Variants in SORBS2 observed in about 807,000 individuals in gnomAD.
SORBS2 encodes sorbin and SH3 domain-containing protein 2.
A neutral mutation model predicts 97.7 loss-of-function variants in SORBS2; 46 were observed. The ratio of observed to expected loss-of-function variants is 0.47; its 90% CI spans 0.37 to 0.60. SORBS2 has a LOEUF of 0.60. Among genes scored for constraint, SORBS2 ranks in the 20% least tolerant of loss-of-function variants. The pLI, the probability that SORBS2 is intolerant of heterozygous loss-of-function variation, is 0.00. For missense variants in SORBS2, 1,316 were observed against 1,282.3 expected (o/e 1.03, Z -0.40); for synonymous variants, 476 against 473.4 (o/e 1.01, Z -0.07).
intron 2 of SORBS2, among the ~76,000 whole-genome samples, chr4:185,737,616 G>A (rs2098696090): frequency 6.6e-6 from 1 of 152,154 alleles, no homozygotes; most frequent in Admixed American, 6.5e-5. Context: ...GGGACCCGAG[G>A]GGTGGGGCCG....
At chr4:185,659,867 A>G (rs899455101), upstream of SORBS2, among the ~76,000 whole-genome samples, 1 of 152,156 alleles carries the variant, frequency 6.6e-6, no homozygotes, top group Admixed American at 6.5e-5. Flanking sequence ...GCAAAGTCCT[A>G]CTCTAAGCAA....
At chr4:185,682,801 A>G (rs1386800478) in intron 2 of SORBS2, among the ~76,000 whole-genome samples, 1 of 152,066 alleles carries the variant, frequency 6.6e-6, no homozygotes, top group Non-Finnish European at 1.5e-5. Flanking sequence ...ACTTGAGGTC[A>G]GGAGTTTGAG....
chr4:185,668,394 CGTGTGTGTATGGGTGTGTATGTGCGT>C (rs1313134484), intron 4 of SORBS2, among the ~76,000 whole-genome samples: 3 of 152,160 alleles, frequency 2.0e-5, no homozygotes, highest in Non-Finnish European at 4.4e-5. Flanking sequence ...TTTTAATGCA[CGTGTGTGTATGGGTGTGTATGTGCGT>C]GTGTGTGTTT....
At chr4:185,592,821 G>T (rs948222126) in intron 13 of SORBS2, 5 of 152,248 alleles carry the variant, frequency 3.3e-5, no homozygotes, top group African/African-American at 1.2e-4. Flanking sequence ...GGGATTTCAG[G>T]CATAGTGACT....
chr4:185,768,530 T>A (rs1362246122), intron 2 of SORBS2, among the ~76,000 whole-genome samples: 3 of 151,760 alleles, frequency 2.0e-5, no homozygotes, highest in Non-Finnish European at 4.4e-5. Context: ...CAAAACCCCA[T>A]CTCTTCTAAA....
intron 2 of SORBS2, among the ~76,000 whole-genome samples, chr4:185,711,143 C>T (rs1269457073): frequency 4.7e-5 from 3 of 63,544 alleles, no homozygotes; most frequent in Non-Finnish European, 1.5e-4. Flanking sequence ...CAAATCTTTT[C>T]ATTTTTTTTT....
intron 6 of SORBS2, among the ~76,000 whole-genome samples, chr4:185,625,731 C>T (rs1025756541): frequency 1.7e-4 from 26 of 152,188 alleles, no homozygotes; most frequent in African/African-American, 5.3e-4. Flanking sequence ...GGGGCTCACA[C>T]GCCCTGAACC....
intron 12 of SORBS2, among the ~76,000 whole-genome samples, chr4:185,597,773 G>A (rs148540605): frequency 2.6e-5 from 4 of 152,170 alleles, no homozygotes; most frequent in Non-Finnish European, 4.4e-5. Context: ...GCTGCACTCT[G>A]TCGCCACCTA....
At chr4:185,753,151 A>G (rs2098811553) in intron 2 of SORBS2, among the ~76,000 whole-genome samples, 1 of 152,252 alleles carries the variant, frequency 6.6e-6, no homozygotes, top group Admixed American at 6.5e-5. Flanking sequence ...GCTGATGCAT[A>G]GTAAATATTT....
intron 2 of SORBS2, among the ~76,000 whole-genome samples, chr4:185,766,568 TTGAG>T (rs1257948994): frequency 4.6e-5 from 7 of 152,256 alleles, no homozygotes; most frequent in Non-Finnish European, 8.8e-5. Context: ...TTCAACATTC[TTGAG>T]TGTTTTGAAA....
intron 1 of SORBS2, among the ~76,000 whole-genome samples, chr4:185,849,410 A>T (rs1302707960): frequency 6.6e-6 from 1 of 151,796 alleles, no homozygotes; most frequent in South Asian, 2.1e-4. Flanking sequence ...ACAGATAAAG[A>T]ATTTATGAAT....
intron 4 of SORBS2, among the ~76,000 whole-genome samples, chr4:185,667,703 T>TAAAC (rs1331314948): frequency 8.5e-4 from 7 of 8,276 alleles, no homozygotes; most frequent in Non-Finnish European, 5.0e-3. Flanking sequence ...TATATATATA[T>TAAAC]ATACGTATAT....
At chr4:185,652,529 G>C (rs1581870598) in intron 2 of SORBS2, 133 bp downstream of exon 10, 4 of 721,130 alleles carry the variant, frequency 5.5e-6, no homozygotes, top group East Asian at 2.6e-5. Context: ...AGAACAGGAG[G>C]CATGCTGAAA....
chr4:185,856,074 G>T (rs1052858409), intron 1 of SORBS2, among the ~76,000 whole-genome samples: 1 of 152,168 alleles, frequency 6.6e-6, no homozygotes, highest in African/African-American at 2.4e-5. Context: ...AAATGTATAT[G>T]ATTCAAACAA....
chr4:185,721,008 T>A (rs1456675971), intron 2 of SORBS2, among the ~76,000 whole-genome samples: 4 of 151,468 alleles, frequency 2.6e-5, no homozygotes, highest in African/African-American at 9.7e-5. Context: ...ATGGGATTGC[T>A]CAGAGGATAG....
chr4:185,657,036 C>T (rs1260520457), upstream of SORBS2: 2 of 604,354 alleles, frequency 3.3e-6, no homozygotes, highest in East Asian at 9.7e-5. Flanking sequence ...CTGCTTTATT[C>T]GCAATGCATG....
At chr4:185,783,026 A>G (rs908387511) in intron 1 of SORBS2, among the ~76,000 whole-genome samples, 1 of 152,206 alleles carries the variant, frequency 6.6e-6, no homozygotes, top group Non-Finnish European at 1.5e-5. Context: ...AAACTGAATA[A>G]ATTAATCCAA....
rs887734908 is a variant in SORBS2, at chr4:185,607,978, A to G, written c.2796+3802T>C. On this transcript the variant is annotated intron_variant, in intron 12 of 14. Coordinates refer to ENST00000418609, the Ensembl canonical transcript of SORBS2. This position sits in a 1 kb window ranked among gnomAD's most constrained non-coding sequence, Gnocchi z 5.2. ...AGTGCTGGGGTTACAGGTGTGAGCC[A>G]CCGCGCCTGGCCCTTAAGAGATTTA... is the stretch of plus-strand genomic sequence containing the variant. Among the ~76,000 whole-genome samples, 28 of 152,304 alleles carry G rather than the reference A, an allele frequency of 1.8e-4. No individual in the cohort carries two copies. The highest frequency in any genetic ancestry group is 6.7e-4 in the African/African-American group (28 of 41,552).
intron 1 of SORBS2, among the ~76,000 whole-genome samples, chr4:185,837,125 G>A (rs1316474464): frequency 1.3e-5 from 2 of 151,984 alleles, no homozygotes; most frequent in Non-Finnish European, 1.5e-5. Flanking sequence ...ATCTTTATAC[G>A]CACCAGAAAC....
Sources: allele counts gnomAD v4.1 joint callset (sites outside exome capture counted in the v4.1 genomes callset), GRCh38; gene constraint gnomAD v4.1.1; non-coding constraint Gnocchi (gnomAD v3.1); transcripts MANE v1.5; gene names NCBI Gene and HGNC (gene_info 2026-07-23, HGNC 2026-07-21).